TRERF1: variants seen among roughly 807,000 people sequenced by gnomAD.
TRERF1 encodes the protein transcriptional regulating factor 1.
In TRERF1, 27 loss-of-function variants were observed where a neutral mutation model predicts 122.9. That is an observed-to-expected ratio of 0.22 (90% CI 0.16 to 0.30). The LOEUF (loss-of-function observed/expected upper bound fraction) is 0.30, where lower values mean the gene tolerates loss of function less well. Ranked by LOEUF, TRERF1 falls within the 10% of genes least tolerant of loss-of-function variation. The pLI is 1.00. For missense variants in TRERF1, 1,248 were observed against 1,560.3 expected (o/e 0.80, Z 3.37); for synonymous variants, 636 against 641.7 (o/e 0.99, Z 0.13).
At chr6:42,262,601 C>CAGAGAGAGAGAGAGAGAGAGAGAG (rs1554134255) in intron 8 of TRERF1, among the ~76,000 whole-genome samples, 2 of 59,132 alleles carry the variant, frequency 3.4e-5, no homozygotes, top group African/African-American at 8.2e-5. Context: ...GAGAGAGAGA[C>CAGAGAGAGAGAGAGAGAGAGAGAG]AGACAGACGG....
chr6:42,412,545 G>A (rs1308596072), intron 2 of TRERF1, among the ~76,000 whole-genome samples: 1 of 152,146 alleles, frequency 6.6e-6, no homozygotes, highest in Non-Finnish European at 1.5e-5. Context: ...AAAGTCCATG[G>A]CCTCCATCAT....
chr6:42,412,567 A>G (rs1781269502), intron 2 of TRERF1, among the ~76,000 whole-genome samples: 2 of 152,188 alleles, frequency 1.3e-5, no homozygotes, highest in African/African-American at 4.8e-5. Context: ...TTCCCAAAGA[A>G]GTCTGTCAGC....
intron 13 of TRERF1, among the ~76,000 whole-genome samples, chr6:42,251,644 G>T (rs1775843328): frequency 6.6e-6 from 1 of 152,174 alleles, no homozygotes. Flanking sequence ...CCTGGAAAAT[G>T]AAATCACAGC....
chr6:42,450,566 G>T (rs1214811762), intron 2 of TRERF1, among the ~76,000 whole-genome samples: 1 of 152,346 alleles, frequency 6.6e-6, no homozygotes, highest in South Asian at 2.1e-4. Context: ...GATGGCAGGC[G>T]CACATGCTCC....
intron 15 of TRERF1, among the ~76,000 whole-genome samples, chr6:42,236,947 G>A (rs1395106333): frequency 1.3e-5 from 2 of 152,232 alleles, no homozygotes; most frequent in African/African-American, 2.4e-5. Flanking sequence ...CGTGACTCAA[G>A]GGGAGCTCCA....
intron 3 of TRERF1, among the ~76,000 whole-genome samples, chr6:42,348,335 C>T (rs767743312): frequency 5.9e-5 from 9 of 152,108 alleles, no homozygotes; most frequent in African/African-American, 1.2e-4. Context: ...CTCACTGCAA[C>T]CTTTGTCTCC....
chr6:42,418,965 C>T (rs545605383), intron 2 of TRERF1, among the ~76,000 whole-genome samples: 2 of 152,328 alleles, frequency 1.3e-5, no homozygotes, highest in Admixed American at 1.3e-4. Context: ...GCCTTGATAA[C>T]AGGGTGTAAA....
chr6:42,255,903 G>T (rs1776658386), intron 12 of TRERF1, among the ~76,000 whole-genome samples: 1 of 152,052 alleles, frequency 6.6e-6, no homozygotes, highest in South Asian at 2.1e-4. Context: ...GGCCGAGGTG[G>T]GAGGATCACC....
At chr6:42,374,915 G>A (rs904698064) in intron 2 of TRERF1, among the ~76,000 whole-genome samples, 3 of 149,604 alleles carry the variant, frequency 2.0e-5, no homozygotes, top group Admixed American at 6.7e-5. Flanking sequence ...GGAGGCTGAA[G>A]CATGAGAATT....
intron 2 of TRERF1, among the ~76,000 whole-genome samples, chr6:42,440,762 A>C (rs977518475): frequency 6.6e-6 from 1 of 152,186 alleles, no homozygotes; most frequent in Non-Finnish European, 1.5e-5. Context: ...GGCAGGGGTG[A>C]GGAAGGAGCC....
chr6:42,343,849 T>A (rs1284250678), intron 3 of TRERF1, among the ~76,000 whole-genome samples: 6 of 152,190 alleles, frequency 3.9e-5, no homozygotes, highest in Non-Finnish European at 8.8e-5. Flanking sequence ...AGCAGGATCT[T>A]TATAAGCTGG....
rs537451807 is a variant in TRERF1, at chr6:42,289,052, G to A, written c.-259+11586C>T. Among the ~76,000 whole-genome samples, 4 of 151,796 alleles carry A rather than the reference G, an allele frequency of 2.6e-5. No homozygotes were observed. The South Asian group carries it at 8.3e-4, about 32-fold the overall frequency. On this transcript the variant is annotated intron_variant, in intron 4 of 17. Coordinates refer to ENST00000372922, the Ensembl canonical transcript of TRERF1. ...TGAAAGTTTGCTCTGGGCCGGGTGTGGTGGCTCATGCCTGTAATCCCAGCA... is the reference window on the plus strand; with the variant it reads ...TGAAAGTTTGCTCTGGGCCGGGTGTAGTGGCTCATGCCTGTAATCCCAGCA...
chr6:42,305,872 G>A (rs1463352011), intron 3 of TRERF1, among the ~76,000 whole-genome samples: 1 of 152,048 alleles, frequency 6.6e-6, no homozygotes, highest in African/African-American at 2.4e-5. Context: ...AGTCACCTAG[G>A]GACCCACAGT....
intron 4 of TRERF1, among the ~76,000 whole-genome samples, chr6:42,279,251 AG>A (rs35384810): frequency 0.027 from 4,151 of 152,196 alleles, 57 homozygotes; most frequent in Non-Finnish European, 0.037. Flanking sequence ...ACCTGGCTGG[AG>A]GGGGTCTGGG....
rs1411623852 is a variant in TRERF1, at chr6:42,228,857, T to TG, written c.3279-189dup. Among the ~76,000 whole-genome samples, 3 of 152,094 alleles carry TG rather than the reference T, an allele frequency of 2.0e-5. No individual in the cohort carries two copies. Among genetic ancestry groups the TG allele is most frequent in the Non-Finnish European group, 2.9e-5 (2 of 68,018 alleles). ...TCTCCAAGCATTACAAGGAAAGGGA[T>TG]GGGGACAGAACACACCTACTGTGCC... On this transcript the variant is annotated intron_variant, in intron 17 of 17. Transcript: ENST00000372922. This position sits in a 1 kb window ranked among gnomAD's most constrained non-coding sequence, Gnocchi z 4.2.
In TRERF1 at chr6:42,275,344, T is replaced by C. The variant is rs1192938633; in HGVS notation, c.-258-5496A>G. Among the ~76,000 whole-genome samples, 1 of 152,230 alleles carries C rather than the reference T, an allele frequency of 6.6e-6. No individual in the cohort carries two copies. Among genetic ancestry groups the C allele is most frequent in the Non-Finnish European group, 1.5e-5 (1 of 68,042 alleles). On this transcript the variant is annotated intron_variant, in intron 4 of 17. Coordinates refer to ENST00000372922, the Ensembl canonical transcript of TRERF1. The surrounding 1 kb of genome is among the most constrained non-coding windows in gnomAD (Gnocchi z 4.1). ...AACTGCTACCTTCCCATTTCTTCGG[T>C]CAATTTCTTCCTTAGAGCAGGACTC... is the stretch of plus-strand genomic sequence containing the variant.
At chr6:42,226,047 C>T (rs941894909) in exon 18 of TRERF1, 3 of 152,098 alleles carry the variant, frequency 2.0e-5, no homozygotes, top group Non-Finnish European at 4.4e-5. Flanking sequence ...ATAAGTGCAA[C>T]ATTGTACTAG....
chr6:42,449,218 C>A (rs1788042619), intron 2 of TRERF1, among the ~76,000 whole-genome samples: 1 of 152,194 alleles, frequency 6.6e-6, no homozygotes, highest in African/African-American at 2.4e-5. Flanking sequence ...TACTATGGAA[C>A]CTGCAAAATT....
intron 2 of TRERF1, among the ~76,000 whole-genome samples, 163 bp downstream of exon 2, chr6:42,451,014 G>T (rs1788383647): frequency 6.6e-6 from 1 of 152,120 alleles, no homozygotes; most frequent in Admixed American, 6.5e-5. Context: ...GGGAAGAAGG[G>T]AAGAAGGGAG....
Sources: gnomAD v4.1 joint callset for allele counts (sites outside exome capture counted in the v4.1 genomes callset) on GRCh38, gnomAD v4.1.1 for gene constraint, Gnocchi (gnomAD v3.1) non-coding constraint, MANE v1.5 for transcripts, NCBI Gene and HGNC (gene_info 2026-07-23, HGNC 2026-07-21) for gene names.